The following MARCHF3 variants were observed in gnomAD, a reference collection of about 807,000 sequenced individuals.
The protein encoded by MARCHF3 is E3 ubiquitin-protein ligase MARCHF3.
MARCHF3 carries 13 observed loss-of-function variants against 24.2 expected under a neutral mutation model. That is an observed-to-expected ratio of 0.54 (90% confidence interval 0.35 to 0.85). The LOEUF (loss-of-function observed/expected upper bound fraction) is 0.85. Ranked by LOEUF, MARCHF3 falls within the 40% of genes least tolerant of loss-of-function variation. MARCHF3 has a pLI of 0.01. For synonymous variants in MARCHF3, 144 were observed against 137.3 expected, an observed-to-expected ratio of 1.05 and a Z score of -0.34; for missense variants, 276 against 325.0, an observed-to-expected ratio of 0.85 and a Z score of 1.16.
At chr5:126,994,270 G>A (rs1013224548) in intron 1 of MARCHF3, among the ~76,000 whole-genome samples, 1 of 152,164 alleles carries the variant, frequency 6.6e-6, no homozygotes, top group African/African-American at 2.4e-5. Context: ...GGCTACATAT[G>A]ATTCCATTTA....
At position 127,004,713 on chromosome 5, in the gene MARCHF3, C is replaced by G. The variant is rs139095870; in HGVS notation, c.-57+25637G>C. Among the ~76,000 whole-genome samples, 34 of 152,260 alleles carry G rather than the reference C, an allele frequency of 2.2e-4. 1 individual carries two copies. The highest frequency in any genetic ancestry group is 7.7e-4 in the African/African-American group (32 of 41,520). ...TCAGACATAGGAAGGAGTATGACCC[C>G]TCTCTCAACTTCCTTTACATGCACA... On this transcript the variant is annotated intron_variant, in intron 1 of 4. Transcript: ENST00000308660.
chr5:126,912,381 T>C (rs547790428), intron 3 of MARCHF3, among the ~76,000 whole-genome samples: 1 of 152,336 alleles, frequency 6.6e-6, no homozygotes, highest in South Asian at 2.1e-4. Flanking sequence ...CTTTTTAAAC[T>C]GCTTCCTCGA....
intron 3 of MARCHF3, among the ~76,000 whole-genome samples, chr5:126,907,990 T>A (rs1460092198): frequency 6.6e-6 from 1 of 152,200 alleles, no homozygotes; most frequent in Non-Finnish European, 1.5e-5. Flanking sequence ...AGCACTTCCT[T>A]CAGGAGCTCT....
rs940413282 is a variant in MARCHF3, at chr5:126,870,052, A to T, written c.*581T>A. The T allele has an allele frequency of 2.0e-5, 3 of 152,620 alleles. No homozygotes were observed. Among genetic ancestry groups the T allele is most frequent in the Admixed American group, 6.5e-5 (1 of 15,284 alleles). 9.5% of individuals were successfully genotyped at this position (152,620 alleles called of 1,614,324 possible). On this transcript the variant is annotated 3_prime_UTR_variant, in exon 5 of 5. Transcript: ENST00000308660. ...GAATAATTAAATGAAGTTTAGTACA[A>T]AACATTCTTCAAATATGACTTGTTC...
intron 1 of MARCHF3, among the ~76,000 whole-genome samples, chr5:126,921,418 C>T (rs1749103554): frequency 6.6e-6 from 1 of 152,126 alleles, no homozygotes; most frequent in Non-Finnish European, 1.5e-5. Flanking sequence ...ATGGGGCAGG[C>T]AGGAGCGGAC....
At chr5:126,947,707 A>G (rs1356662552) in intron 1 of MARCHF3, among the ~76,000 whole-genome samples, 6 of 152,154 alleles carry the variant, frequency 3.9e-5, no homozygotes, top group Non-Finnish European at 8.8e-5. Context: ...TCTAAAAAAC[A>G]AGTCTTTAAA....
intron 3 of MARCHF3, among the ~76,000 whole-genome samples, chr5:126,902,082 G>T (rs1754123862): frequency 6.6e-6 from 1 of 152,096 alleles, no homozygotes; most frequent in South Asian, 2.1e-4. Flanking sequence ...AATCTTTCAA[G>T]ATGATCTGTC....
rs1276181448 is a variant in MARCHF3 at position 126,954,594 on chromosome 5, C to T, written c.-56-36367G>A. ...CTATGTTGCCCAGGCTGGTCTCAAA[C>T]TTCTGCACTCAAGTGATTCTCCCAC... On this transcript the variant is annotated intron_variant, in intron 1 of 4. Coordinates refer to ENST00000308660, the MANE Select transcript of MARCHF3 (RefSeq NM_178450.5). Among the ~76,000 whole-genome samples the T allele has an allele frequency of 6.6e-5, 10 of 151,344 alleles. No individual in the cohort carries two copies. In the East Asian group the frequency reaches 2.0e-3, roughly 30 times the overall value.
At chr5:126,995,844 C>G (rs977128413) in intron 1 of MARCHF3, among the ~76,000 whole-genome samples, 7 of 152,202 alleles carry the variant, frequency 4.6e-5, no homozygotes, top group African/African-American at 1.2e-4. Context: ...TGGCATTCTA[C>G]TAGACCTACT....
intron 1 of MARCHF3, among the ~76,000 whole-genome samples, chr5:127,018,333 T>C (rs2126861900): frequency 6.6e-6 from 1 of 152,012 alleles, no homozygotes; most frequent in African/African-American, 2.4e-5. Context: ...ATCATGACAG[T>C]GCACTCCAGC....
chr5:126,903,505 T>C (rs1244652588), intron 3 of MARCHF3, among the ~76,000 whole-genome samples: 1 of 152,102 alleles, frequency 6.6e-6, no homozygotes, highest in African/African-American at 2.4e-5. Context: ...AATCACTTTA[T>C]ATTGCTGATC....
intron 3 of MARCHF3, among the ~76,000 whole-genome samples, chr5:126,913,431 TTTG>T (rs1754608425): frequency 6.6e-6 from 1 of 152,208 alleles, no homozygotes; most frequent in Non-Finnish European, 1.5e-5. Context: ...TTTCAACTCC[TTTG>T]TTTATTATTT....
chr5:126,938,706 T>C (rs1362220649), intron 1 of MARCHF3, among the ~76,000 whole-genome samples: 1 of 152,172 alleles, frequency 6.6e-6, no homozygotes. Context: ...TGTGCAATGA[T>C]TTAATTTTTC....
At chr5:126,902,919 C>A (rs148219326) in intron 3 of MARCHF3, among the ~76,000 whole-genome samples, 2 of 152,006 alleles carry the variant, frequency 1.3e-5, no homozygotes, top group Non-Finnish European at 2.9e-5. Flanking sequence ...GTCTGCTCAG[C>A]GACCTTGTCA....
intron 1 of MARCHF3, among the ~76,000 whole-genome samples, chr5:126,961,227 C>A (rs938519782): frequency 2.4e-4 from 37 of 152,214 alleles, no homozygotes; most frequent in African/African-American, 8.4e-4. Flanking sequence ...TCCTACAATT[C>A]CCTCCCCTCT....
intron 1 of MARCHF3, among the ~76,000 whole-genome samples, chr5:126,938,250 C>T (rs1749712452): frequency 6.9e-6 from 1 of 144,694 alleles, no homozygotes; most frequent in Non-Finnish European, 1.5e-5. Context: ...TCATTGCAAT[C>T]TCTGCCTCCC....
intron 1 of MARCHF3, among the ~76,000 whole-genome samples, chr5:126,985,697 G>C (rs1328085973): frequency 3.9e-5 from 6 of 151,990 alleles, no homozygotes; most frequent in Admixed American, 2.6e-4. Flanking sequence ...GGATGGTCTC[G>C]ATCTCCTGAC....
intron 1 of MARCHF3, among the ~76,000 whole-genome samples, chr5:126,980,449 C>A (rs1477593040): frequency 6.6e-6 from 1 of 151,680 alleles, no homozygotes; most frequent in Admixed American, 6.6e-5. Flanking sequence ...TGGCTCACTG[C>A]AATCTCTGCC....
chr5:127,008,818 A>C (rs906171534), intron 1 of MARCHF3, among the ~76,000 whole-genome samples: 5 of 151,408 alleles, frequency 3.3e-5, no homozygotes, highest in African/African-American at 1.2e-4. Context: ...CAGTGACCGA[A>C]CCCTATTTTA....
Sources: gnomAD v4.1 joint callset for allele counts (sites outside exome capture counted in the v4.1 genomes callset) on GRCh38, gnomAD v4.1.1 for gene constraint, MANE v1.5 for transcripts, NCBI Gene and HGNC (gene_info 2026-07-23, HGNC 2026-07-21) for gene names.